TTC7B: variants seen among roughly 807,000 people sequenced by gnomAD.
TTC7B encodes the protein tetratricopeptide repeat domain 7B.
A neutral mutation model predicts 106.8 loss-of-function variants in TTC7B; 28 were observed. The observed-to-expected ratio is 0.26, with a 90% confidence interval of 0.19 to 0.36. The LOEUF is 0.36. Among genes scored for constraint, TTC7B ranks in the 10% least tolerant of loss-of-function variants. TTC7B has a pLI of 1.00. For synonymous variants in TTC7B, 405 were observed against 430.6 expected (o/e 0.94, Z 0.74); for missense variants, 862 against 1,076.4 (o/e 0.80, Z 2.79).
rs1307025278 is a variant in TTC7B at position 90,531,225 on chromosome 14, T to C, written c.*10143A>G. ...GCAGCTGATACAGTGGGTGTAGGTT[T>C]TACGATCACAAAAGAAAAGAAAAAG... On this transcript the variant is annotated 3_prime_UTR_variant, in exon 20 of 20. Transcript: ENST00000328459. 6.6e-6 allele frequency: 1 copy of C among 152,004 alleles called. No homozygotes were observed. The highest frequency in any genetic ancestry group is 2.4e-5 in the African/African-American group (1 of 41,378). The allele number at this position is 152,004 out of a possible 1,614,324, so 9.4% of individuals were successfully genotyped here. A position where few individuals can be genotyped will look rare whatever the true frequency, so the allele number is the denominator to read the frequency against.
intron 4 of TTC7B, among the ~76,000 whole-genome samples, chr14:90,744,591 G>A (rs373273151): frequency 1.3e-5 from 2 of 152,124 alleles, no homozygotes; most frequent in South Asian, 2.1e-4. Context: ...TTACAGGTGT[G>A]AGCCACCACG....
chr14:90,626,683 G>A (rs1039851231), intron 15 of TTC7B, among the ~76,000 whole-genome samples: 4 of 152,170 alleles, frequency 2.6e-5, no homozygotes, highest in Non-Finnish European at 4.4e-5. Context: ...ACACAACCCT[G>A]CTAGCAGATG....
At chr14:90,787,953 A>G (rs939443447) in intron 1 of TTC7B, among the ~76,000 whole-genome samples, 2 of 152,182 alleles carry the variant, frequency 1.3e-5, no homozygotes, top group African/African-American at 2.4e-5. Context: ...ACCTGAGGTC[A>G]GGAGTTTGAG....
At chr14:90,712,008 T>C (rs1422750395) in intron 5 of TTC7B, among the ~76,000 whole-genome samples, 1 of 151,604 alleles carries the variant, frequency 6.6e-6, no homozygotes, top group Non-Finnish European at 1.5e-5. Flanking sequence ...GTATAAGAGA[T>C]AGAGACACTT....
intron 5 of TTC7B, among the ~76,000 whole-genome samples, chr14:90,727,484 G>A (rs1889154429): frequency 6.6e-6 from 1 of 152,240 alleles, no homozygotes; most frequent in Non-Finnish European, 1.5e-5. Context: ...GACCATGAAG[G>A]ACAAGTGTTT....
intron 19 of TTC7B, among the ~76,000 whole-genome samples, chr14:90,574,404 G>A (rs188143567): frequency 6.6e-6 from 1 of 152,254 alleles, no homozygotes; most frequent in East Asian, 1.9e-4. Flanking sequence ...CCCATCCTCA[G>A]CAATCTCTGC....
At chr14:90,619,497 C>T (rs553366223) in intron 15 of TTC7B, among the ~76,000 whole-genome samples, 1 of 152,174 alleles carries the variant, frequency 6.6e-6, no homozygotes, top group Non-Finnish European at 1.5e-5. Flanking sequence ...AGTAAGTCTT[C>T]AAGTTTTAAC....
intron 7 of TTC7B, among the ~76,000 whole-genome samples, chr14:90,686,019 A>G (rs1000100458): frequency 5.9e-5 from 9 of 152,234 alleles, no homozygotes; most frequent in African/African-American, 2.2e-4. Flanking sequence ...TTACTCTAAT[A>G]CCAAAACCAG....
chr14:90,679,569 T>C (rs1351452045), intron 8 of TTC7B, among the ~76,000 whole-genome samples: 1 of 152,228 alleles, frequency 6.6e-6, no homozygotes, highest in Non-Finnish European at 1.5e-5. Context: ...AGGAGACCAC[T>C]GCGTGATGCA....
intron 9 of TTC7B, among the ~76,000 whole-genome samples, chr14:90,669,356 T>A (rs2139915303): frequency 6.6e-6 from 1 of 152,298 alleles, no homozygotes; most frequent in Non-Finnish European, 1.5e-5. Flanking sequence ...AAAAAATAGA[T>A]ACACTGGACT....
At chr14:90,731,479 T>C (rs1321419582) in intron 4 of TTC7B, among the ~76,000 whole-genome samples, 1 of 152,108 alleles carries the variant, frequency 6.6e-6, no homozygotes, top group African/African-American at 2.4e-5. Context: ...CCACAAGCTT[T>C]GGGGAAAAGA....
intron 1 of TTC7B, among the ~76,000 whole-genome samples, chr14:90,787,614 C>T (rs1267715773): frequency 2.0e-5 from 3 of 152,068 alleles, no homozygotes; most frequent in Non-Finnish European, 4.4e-5. Flanking sequence ...AAGTCATCAG[C>T]GAGGACCCCC....
intron 9 of TTC7B, among the ~76,000 whole-genome samples, chr14:90,672,250 C>G (rs1316634947): frequency 6.6e-6 from 1 of 152,226 alleles, no homozygotes; most frequent in Non-Finnish European, 1.5e-5. Flanking sequence ...GTTTTATGAA[C>G]TCTTCTGTCC....
intron 19 of TTC7B, among the ~76,000 whole-genome samples, chr14:90,545,314 G>T (rs1228771636): frequency 6.6e-6 from 1 of 152,224 alleles, no homozygotes; most frequent in Non-Finnish European, 1.5e-5. Context: ...AACAGGAAAG[G>T]GGCGTCTGCC....
intron 10 of TTC7B, chr14:90,658,031 C>A: frequency 2.2e-6 from 1 of 447,962 alleles, no homozygotes; most frequent in Non-Finnish European, 4.1e-6. Context: ...TGTAAAACAT[C>A]AGCTCTAGTT....
At chr14:90,699,923 C>T (rs1262689284) in intron 5 of TTC7B, among the ~76,000 whole-genome samples, 1 of 152,198 alleles carries the variant, frequency 6.6e-6, no homozygotes, top group Non-Finnish European at 1.5e-5. Flanking sequence ...TGGCTTTATT[C>T]ACTGACATAA....
intron 5 of TTC7B, among the ~76,000 whole-genome samples, chr14:90,729,481 G>A (rs1055465937): frequency 6.6e-6 from 1 of 152,168 alleles, no homozygotes; most frequent in Admixed American, 6.5e-5. Context: ...GTCAAAACAA[G>A]GGATAACTGA....
intron 3 of TTC7B, chr14:90,766,598 A>C: frequency 1.2e-6 from 1 of 854,948 alleles, no homozygotes; most frequent in Non-Finnish European, 2.0e-6. Flanking sequence ...ATCGATGGGC[A>C]GTGGAAAACA....
intron 15 of TTC7B, among the ~76,000 whole-genome samples, chr14:90,622,877 G>A (rs1008796170): frequency 2.6e-5 from 4 of 152,032 alleles, no homozygotes; most frequent in African/African-American, 4.8e-5. Context: ...ATGCCTTTGC[G>A]GTCTGGCTCC....
Sources: gnomAD v4.1 joint callset for allele counts (sites outside exome capture counted in the v4.1 genomes callset) on GRCh38, gnomAD v4.1.1 for gene constraint, MANE v1.5 for transcripts, NCBI Gene and HGNC (gene_info 2026-07-23, HGNC 2026-07-21) for gene names.